The following STK17B variants were observed in gnomAD, a reference collection of about 807,000 sequenced individuals.
The protein encoded by STK17B is serine/threonine kinase 17b.
A neutral mutation model predicts 42.0 loss-of-function variants in STK17B; 21 were observed. That is an observed-to-expected ratio of 0.50 (90% CI 0.35 to 0.72). The LOEUF is 0.72. Ranked by LOEUF, STK17B falls within the 30% of genes least tolerant of loss-of-function variation. The pLI is 0.00. For missense variants in STK17B, 349 were observed against 446.0 expected, an observed-to-expected ratio of 0.78 and a Z score of 1.96; for synonymous variants, 143 against 148.4, an observed-to-expected ratio of 0.96 and a Z score of 0.26.
intron 1 of STK17B, among the ~76,000 whole-genome samples, chr2:196,168,527 G>T (rs1233886961): frequency 6.6e-6 from 1 of 152,132 alleles, no homozygotes; most frequent in East Asian, 1.9e-4. Flanking sequence ...GGATTAAAGA[G>T]GAAATTACCA....
chr2:196,157,026 G>A (rs1023588745), intron 2 of STK17B, among the ~76,000 whole-genome samples: 6 of 152,064 alleles, frequency 3.9e-5, no homozygotes, highest in African/African-American at 9.7e-5. Flanking sequence ...TCAGCCAGGC[G>A]TTGTGGCGCA....
At chr2:196,172,964 G>C (rs577613504), upstream of STK17B, among the ~76,000 whole-genome samples, 5 of 152,108 alleles carry the variant, frequency 3.3e-5, no homozygotes, top group Admixed American at 6.5e-5. Flanking sequence ...GTAACCTCTT[G>C]GGGGTCACAG....
intron 1 of STK17B, among the ~76,000 whole-genome samples, chr2:196,168,317 C>A (rs1192557115): frequency 6.6e-6 from 1 of 152,140 alleles, no homozygotes; most frequent in African/African-American, 2.4e-5. Flanking sequence ...AGAGTTAAAC[C>A]TGTTAATTGT....
chr2:196,149,785 T>C (rs1699637611), intron 3 of STK17B, among the ~76,000 whole-genome samples: 1 of 152,314 alleles, frequency 6.6e-6, no homozygotes, highest in African/African-American at 2.4e-5. Context: ...ATCATTTACA[T>C]GTGATTTCCC....
rs542722143 is a variant in STK17B, at chr2:196,146,502, C to T, written c.336-447G>A. Among the ~76,000 whole-genome samples the T allele has an allele frequency of 4.6e-5, 7 of 151,252 alleles. No homozygotes were observed. The South Asian group carries it at 1.3e-3, about 27-fold the overall frequency. ...CTGAGCTACAGAGCAAGACTCCGTC[C>T]CCAAAAAAAAGAAAAAAGAAAATAA... On this transcript the variant is annotated intron_variant, in intron 3 of 7. Transcript: ENST00000263955.
At chr2:196,140,712 G>A (rs866747430) in intron 6 of STK17B, among the ~76,000 whole-genome samples, 3 of 151,150 alleles carry the variant, frequency 2.0e-5, no homozygotes, top group Non-Finnish European at 4.4e-5. Flanking sequence ...TTACAGGTAC[G>A]CGCCACCACG....
At chr2:196,138,201 T>C (rs549395806) in intron 7 of STK17B, among the ~76,000 whole-genome samples, 31 of 152,364 alleles carry the variant, frequency 2.0e-4, no homozygotes, top group African/African-American at 7.0e-4. Context: ...TTTCTACATA[T>C]ATGTGCATAT....
intron 2 of STK17B, among the ~76,000 whole-genome samples, chr2:196,157,565 T>C (rs1260029757): frequency 6.6e-6 from 1 of 152,204 alleles, no homozygotes; most frequent in Non-Finnish European, 1.5e-5. Flanking sequence ...TCAGTAGTCT[T>C]TGAAGCCTGT....
At chr2:196,147,931 T>C (rs1179646132) in intron 3 of STK17B, among the ~76,000 whole-genome samples, 3 of 152,234 alleles carry the variant, frequency 2.0e-5, no homozygotes, top group East Asian at 3.9e-4. Flanking sequence ...GGTTTCGCCA[T>C]GTTGGCCAGG....
At chr2:196,158,894 C>T (rs1699774656) in intron 2 of STK17B, among the ~76,000 whole-genome samples, 1 of 151,726 alleles carries the variant, frequency 6.6e-6, no homozygotes. Flanking sequence ...GCCTGTAATC[C>T]CAGCTACTCA....
chr2:196,151,783 T>C (rs190631193), intron 3 of STK17B, among the ~76,000 whole-genome samples: 5 of 152,290 alleles, frequency 3.3e-5, no homozygotes, highest in Non-Finnish European at 5.9e-5. Context: ...TAAATAGATC[T>C]AATACTACCT....
At chr2:196,170,309 G>C (rs1699923465) in intron 1 of STK17B, among the ~76,000 whole-genome samples, 1 of 152,120 alleles carries the variant, frequency 6.6e-6, no homozygotes, top group Admixed American at 6.5e-5. Context: ...ACGTAAAGTG[G>C]CCACACCACG....
At chr2:196,139,865 C>A (rs910384509) in intron 6 of STK17B, 66 bp from the exon 7 acceptor site, 1 of 1,182,950 alleles carries the variant, frequency 8.5e-7, no homozygotes, top group African/African-American at 1.6e-5. Context: ...AAAGTACAAT[C>A]GACATTCAAC....
chr2:196,140,043 G>T (rs1178592402), intron 6 of STK17B, among the ~76,000 whole-genome samples: 1 of 152,144 alleles, frequency 6.6e-6, no homozygotes, highest in Non-Finnish European at 1.5e-5. Flanking sequence ...ATATATTATT[G>T]CTACCGTCTA....
At chr2:196,150,633 A>T (rs1322469926) in intron 3 of STK17B, among the ~76,000 whole-genome samples, 1 of 152,256 alleles carries the variant, frequency 6.6e-6, no homozygotes, top group African/African-American at 2.4e-5. Context: ...TCAGTAAAAC[A>T]AAGTAATATC....
At chr2:196,142,030 T>C (rs1480070561) in intron 5 of STK17B, among the ~76,000 whole-genome samples, 1 of 152,234 alleles carries the variant, frequency 6.6e-6, no homozygotes, top group Non-Finnish European at 1.5e-5. Flanking sequence ...AATGACATCA[T>C]GAGCAAATTT....
At chr2:196,153,606 A>C (rs535013211) in intron 3 of STK17B, 1 of 152,328 alleles carries the variant, frequency 6.6e-6, no homozygotes, top group African/African-American at 2.4e-5. Flanking sequence ...CACTTAAAAG[A>C]ACCAGAACTT....
upstream of STK17B, among the ~76,000 whole-genome samples, chr2:196,175,649 A>G (rs1432513737): frequency 6.6e-6 from 1 of 152,226 alleles, no homozygotes; most frequent in African/African-American, 2.4e-5. Context: ...AAGTTTTTCA[A>G]TAACTAAATA....
chr2:196,139,936 C>T (rs756231083), intron 6 of STK17B, 137 bp from the exon 7 acceptor site: 1 of 545,344 alleles, frequency 1.8e-6, no homozygotes, highest in Non-Finnish European at 2.8e-6. Flanking sequence ...TTTCAAAGTT[C>T]CTATATTATT....
Sources: gnomAD v4.1 joint callset for allele counts (sites outside exome capture counted in the v4.1 genomes callset) on GRCh38, gnomAD v4.1.1 for gene constraint, MANE v1.5 for transcripts, NCBI Gene and HGNC (gene_info 2026-07-23, HGNC 2026-07-21) for gene names.